Variants in TACR1 observed in about 807,000 individuals in gnomAD.
The protein encoded by TACR1 is substance-P receptor.
In TACR1, 25 loss-of-function variants were observed where a neutral mutation model predicts 35.8. The ratio of observed to expected loss-of-function variants is 0.70; its 90% CI spans 0.51 to 0.98. The LOEUF (loss-of-function observed/expected upper bound fraction) is 0.98. Among genes scored for constraint, TACR1 ranks in the 50% least tolerant of loss-of-function variants. The pLI, the probability that TACR1 is intolerant of heterozygous loss-of-function variation, is 0.00. For synonymous variants in TACR1, 195 were observed against 206.7 expected (o/e 0.94, Z 0.48); for missense variants, 478 against 522.9 (o/e 0.91, Z 0.84).
intron 1 of TACR1, among the ~76,000 whole-genome samples, chr2:75,175,071 TG>T (rs1405071973): frequency 6.6e-6 from 1 of 152,234 alleles, no homozygotes; most frequent in Admixed American, 6.5e-5. Context: ...TCTTTGACAC[TG>T]TTTCTAGCTC....
intron 1 of TACR1, among the ~76,000 whole-genome samples, chr2:75,179,397 G>C (rs138089906): frequency 0.01 from 1,537 of 152,258 alleles, 18 homozygotes; most frequent in South Asian, 0.016. Context: ...TGGTCTTCCT[G>C]CTTCCACTTT....
At chr2:75,136,255 G>A (rs1166066629) in intron 1 of TACR1, among the ~76,000 whole-genome samples, 6 of 152,180 alleles carry the variant, frequency 3.9e-5, no homozygotes. Context: ...TTCCTTGGGA[G>A]ACAGGAGTAA....
chr2:75,150,309 T>G (rs767597035), intron 1 of TACR1, among the ~76,000 whole-genome samples: 9 of 152,220 alleles, frequency 5.9e-5, no homozygotes, highest in Non-Finnish European at 1.2e-4. Context: ...AATAAGCATA[T>G]GCTCTAATAC....
In TACR1 at chr2:75,149,566, T is replaced by G. The variant is rs566212977; in HGVS notation, c.390-28798A>C. 2.6e-5 allele frequency among the ~76,000 whole-genome samples: 4 copies of G among 152,290 alleles called. No homozygotes were observed. In the South Asian group the frequency reaches 8.3e-4, roughly 32 times the overall value. On this transcript the variant is annotated intron_variant, in intron 1 of 4. Coordinates refer to ENST00000305249, the MANE Select transcript of TACR1 (RefSeq NM_001058.4). ...GTCTGTTGTTGGTGTATAGGAACAT[T>G]TGTGATTTTTGCACATTGATTTTGT...
intron 2 of TACR1, among the ~76,000 whole-genome samples, chr2:75,064,029 T>C (rs1672721525): frequency 6.6e-6 from 1 of 151,986 alleles, no homozygotes; most frequent in African/African-American, 2.4e-5. Flanking sequence ...GTGGTGAATG[T>C]TGTTGGTCTG....
chr2:75,067,729 C>A (rs901769201), intron 2 of TACR1, among the ~76,000 whole-genome samples: 1 of 152,048 alleles, frequency 6.6e-6, no homozygotes, highest in South Asian at 2.1e-4. Context: ...CATGCAGAGA[C>A]AAAAGCAGGC....
intron 1 of TACR1, among the ~76,000 whole-genome samples, chr2:75,149,866 A>C (rs145529419): frequency 1.0e-3 from 152 of 152,248 alleles, no homozygotes; most frequent in African/African-American, 3.4e-3. Flanking sequence ...GTATGATATT[A>C]GCTGTGGGTG....
At chr2:75,077,168 C>G (rs577622904) in intron 2 of TACR1, among the ~76,000 whole-genome samples, 1 of 152,110 alleles carries the variant, frequency 6.6e-6, no homozygotes, top group Non-Finnish European at 1.5e-5. Flanking sequence ...TGGGGTTTCT[C>G]CATGTTGGTC....
chr2:75,053,153 A>T (rs1672500814), intron 3 of TACR1, among the ~76,000 whole-genome samples: 1 of 151,880 alleles, frequency 6.6e-6, no homozygotes, highest in Admixed American at 6.6e-5. Context: ...AAAGAAACTC[A>T]CTCACGCTCT....
chr2:75,062,185 A>G (rs1672684896), intron 2 of TACR1, among the ~76,000 whole-genome samples: 1 of 152,116 alleles, frequency 6.6e-6, no homozygotes, highest in Non-Finnish European at 1.5e-5. Context: ...TCAGGCAAAG[A>G]GCCCGAGTGC....
chr2:75,089,904 G>A lies in TACR1; in HGVS notation c.584+30670C>T, dbSNP rs552567024. Reference sequence around the variant, plus strand: ...CAAATCTCAAACAAACAAATTTCTGGAAAGCACCACCTAGACTAAAATAAA... The same window carrying A: ...CAAATCTCAAACAAACAAATTTCTGAAAAGCACCACCTAGACTAAAATAAA... On this transcript the variant is annotated intron_variant, in intron 2 of 4. Coordinates refer to ENST00000305249, the MANE Select transcript of TACR1 (RefSeq NM_001058.4). Among the ~76,000 whole-genome samples the A allele has an allele frequency of 9.8e-4, 149 of 152,090 alleles. 1 individual carries two copies. Among genetic ancestry groups the A allele is most frequent in the Admixed American group, 7.6e-3 (116 of 15,264 alleles).
At chr2:75,137,790 AC>A (rs1674329608) in intron 1 of TACR1, among the ~76,000 whole-genome samples, 8 of 150,618 alleles carry the variant, frequency 5.3e-5, no homozygotes, top group Admixed American at 5.3e-4. Flanking sequence ...GTCCAGGAAG[AC>A]TCTTTGGCCC....
chr2:75,133,500 C>G (rs899537422), intron 1 of TACR1, among the ~76,000 whole-genome samples: 10 of 152,158 alleles, frequency 6.6e-5, no homozygotes, highest in South Asian at 2.1e-4. Context: ...CTTTCACTAA[C>G]TCTTTGAGGC....
At chr2:75,146,662 C>T (rs141746111) in intron 1 of TACR1, among the ~76,000 whole-genome samples, 10 of 152,292 alleles carry the variant, frequency 6.6e-5, no homozygotes, top group African/African-American at 2.4e-4. Context: ...GAGGAGCCAG[C>T]ACATGTGGAA....
chr2:75,174,241 C>T (rs909067289), intron 1 of TACR1, among the ~76,000 whole-genome samples: 1 of 152,224 alleles, frequency 6.6e-6, no homozygotes, highest in Non-Finnish European at 1.5e-5. Flanking sequence ...ACTGAAAGCA[C>T]TTGCTAAGCA....
At chr2:75,087,040 T>G (rs1673203029) in intron 2 of TACR1, among the ~76,000 whole-genome samples, 1 of 152,228 alleles carries the variant, frequency 6.6e-6, no homozygotes, top group African/African-American at 2.4e-5. Flanking sequence ...GCTGTAAGTT[T>G]AAAATACACA....
intron 2 of TACR1, among the ~76,000 whole-genome samples, chr2:75,072,434 G>A (rs1672900679): frequency 6.6e-6 from 1 of 152,166 alleles, no homozygotes; most frequent in Admixed American, 6.5e-5. Context: ...AGATGTGAGA[G>A]GGAAGAAAAT....
chr2:75,167,955 A>G (rs1675185455), intron 1 of TACR1, among the ~76,000 whole-genome samples: 1 of 152,216 alleles, frequency 6.6e-6, no homozygotes, highest in Non-Finnish European at 1.5e-5. Context: ...CCAGTTGCCA[A>G]GAAGCAAAAT....
chr2:75,177,156 G>T (rs775744692), intron 1 of TACR1, among the ~76,000 whole-genome samples: 1 of 148,612 alleles, frequency 6.7e-6, no homozygotes, highest in African/African-American at 2.5e-5. Flanking sequence ...TTCTCTTTCA[G>T]ACCCCACCCC....
Sources: gnomAD v4.1 joint callset for allele counts (sites outside exome capture counted in the v4.1 genomes callset) on GRCh38, gnomAD v4.1.1 for gene constraint, MANE v1.5 for transcripts, NCBI Gene and HGNC (gene_info 2026-07-23, HGNC 2026-07-21) for gene names.